PRKAG2: variants seen among roughly 807,000 people sequenced by gnomAD.
PRKAG2 encodes the protein 5'-AMP-activated protein kinase subunit gamma-2.
PRKAG2 carries 26 observed loss-of-function variants against 69.6 expected under a neutral mutation model. The ratio of observed to expected loss-of-function variants is 0.37; its 90% CI spans 0.27 to 0.52. The LOEUF is 0.52. Ranked by LOEUF, PRKAG2 falls within the 20% of genes least tolerant of loss-of-function variation. PRKAG2 has a pLI of 0.90. For synonymous variants in PRKAG2, 293 were observed against 285.0 expected, an observed-to-expected ratio of 1.03 and a Z score of -0.28; for missense variants, 557 against 740.0, an observed-to-expected ratio of 0.75 and a Z score of 2.87.
intron 4 of PRKAG2, among the ~76,000 whole-genome samples, chr7:151,670,912 C>T (rs1831924153): frequency 6.6e-6 from 1 of 152,080 alleles, no homozygotes; most frequent in South Asian, 2.1e-4. Context: ...TTGGCTCACG[C>T]CTATAATCCC....
chr7:151,856,991 T>C (rs1280675296), intron 1 of PRKAG2, among the ~76,000 whole-genome samples: 1 of 152,098 alleles, frequency 6.6e-6, no homozygotes, highest in African/African-American at 2.4e-5. Context: ...AGTCTACTGC[T>C]TTCAGCTTTG....
chr7:151,816,239 T>C (rs1375099261), intron 1 of PRKAG2, among the ~76,000 whole-genome samples: 1 of 152,164 alleles, frequency 6.6e-6, no homozygotes, highest in African/African-American at 2.4e-5. Context: ...ATCACAGGCC[T>C]GGCGTGCTGT....
intron 5 of PRKAG2, among the ~76,000 whole-genome samples, chr7:151,608,267 C>A (rs774457728): frequency 1.1e-4 from 16 of 152,172 alleles, no homozygotes; most frequent in Admixed American, 2.6e-4. Context: ...AGGAAATAAA[C>A]TTCTGTTGTC....
Position 151,814,500 on chromosome 7 carries a change from A to G in PRKAG2, c.115-27959T>C. 1 of 1,230,946 alleles carries G rather than the reference A, an allele frequency of 8.1e-7. No homozygotes were observed. Among genetic ancestry groups the G allele is most frequent in the Non-Finnish European group, 1.0e-6 (1 of 987,936 alleles). The allele number at this position is 1,230,946 out of a possible 1,614,324, so 76.3% of individuals were successfully genotyped here. On this transcript the variant is annotated intron_variant, in intron 1 of 15. Coordinates refer to ENST00000287878, the MANE Select transcript of PRKAG2 (RefSeq NM_016203.4). This position sits in a 1 kb window ranked among gnomAD's most constrained non-coding sequence, Gnocchi z 4.8. ...GTAAGCTGCTGGATGGCAGGATGCG[A>G]GTGACGGGGACGGGCGGCACTCCCA...
chr7:151,801,822 A>G (rs2151839427), intron 1 of PRKAG2, among the ~76,000 whole-genome samples: 1 of 152,316 alleles, frequency 6.6e-6, no homozygotes, highest in South Asian at 2.1e-4. Flanking sequence ...TACAAAAAAC[A>G]GGGGGTTGTT....
At chr7:151,593,870 A>T (rs1328328253) in intron 6 of PRKAG2, among the ~76,000 whole-genome samples, 1 of 152,268 alleles carries the variant, frequency 6.6e-6, no homozygotes, top group Non-Finnish European at 1.5e-5. Flanking sequence ...TACGTTAACA[A>T]GAAACAATTG....
intron 3 of PRKAG2, among the ~76,000 whole-genome samples, chr7:151,682,032 CAA>C (rs1380434911): frequency 6.6e-6 from 1 of 152,116 alleles, no homozygotes; most frequent in East Asian, 1.9e-4. Context: ...AGGCTTCCCC[CAA>C]AGAGGGTTTT....
intron 1 of PRKAG2, among the ~76,000 whole-genome samples, chr7:151,832,020 T>C (rs906132467): frequency 6.6e-6 from 1 of 152,098 alleles, no homozygotes; most frequent in Non-Finnish European, 1.5e-5. Context: ...CAGGCCTGGC[T>C]GCTGCACGAA....
chr7:151,733,924 G>A lies in PRKAG2; in HGVS notation c.466+47228C>T, dbSNP rs540820674. ...TGCCCAGGCTGGTCTCGAACTCCTA[G>A]GCTCAAGCAGTCCTCCCACCTCAAC... On this transcript the variant is annotated intron_variant, in intron 3 of 15. Coordinates refer to ENST00000287878, the MANE Select transcript of PRKAG2 (RefSeq NM_016203.4). 9.8e-4 allele frequency among the ~76,000 whole-genome samples: 149 copies of A among 151,980 alleles called. 1 individual carries two copies. Among genetic ancestry groups the A allele is most frequent in the Non-Finnish European group, 7.8e-4 (53 of 67,996 alleles).
chr7:151,621,466 T>A (rs1585284710), intron 5 of PRKAG2, among the ~76,000 whole-genome samples: 1 of 152,150 alleles, frequency 6.6e-6, no homozygotes, highest in Non-Finnish European at 1.5e-5. Context: ...AAGGATGGCT[T>A]GAGCCTAGGA....
intron 5 of PRKAG2, among the ~76,000 whole-genome samples, chr7:151,627,543 T>C (rs553813558): frequency 1.3e-5 from 2 of 152,212 alleles, no homozygotes; most frequent in South Asian, 4.2e-4. Flanking sequence ...TGAGAATTAC[T>C]TGAGCCTGGG....
intron 1 of PRKAG2, among the ~76,000 whole-genome samples, chr7:151,839,369 C>T (rs949541505): frequency 5.9e-5 from 9 of 152,184 alleles, no homozygotes; most frequent in Admixed American, 5.2e-4. Flanking sequence ...AGCTCAGAAG[C>T]GGTCCGCAGC....
At chr7:151,590,840 G>GGT (rs1429306761) in intron 6 of PRKAG2, among the ~76,000 whole-genome samples, 1 of 152,242 alleles carries the variant, frequency 6.6e-6, no homozygotes, top group African/African-American at 2.4e-5. Flanking sequence ...GGGACTGATT[G>GGT]CTATGAGTGG....
At chr7:151,559,233 G>C in intron 15 of PRKAG2, 3 of 972,730 alleles carry the variant, frequency 3.1e-6, no homozygotes. Flanking sequence ...TGTACTGTTC[G>C]TTTTCAATCC....
chr7:151,831,041 C>T (rs1355887165), intron 1 of PRKAG2, among the ~76,000 whole-genome samples: 2 of 152,066 alleles, frequency 1.3e-5, no homozygotes, highest in African/African-American at 4.8e-5. Context: ...CACCACTTCA[C>T]ACCCACTAGG....
At chr7:151,568,569 T>C (rs1261466968) in intron 11 of PRKAG2, 147 bp downstream of exon 11, 2 of 778,442 alleles carry the variant, frequency 2.6e-6, no homozygotes, top group African/African-American at 3.5e-5. Context: ...ATTCAGAGAG[T>C]AGTAAGTTGA....
intron 3 of PRKAG2, among the ~76,000 whole-genome samples, chr7:151,705,247 GA>G (rs1284999855): frequency 6.6e-6 from 1 of 152,188 alleles, no homozygotes; most frequent in Non-Finnish European, 1.5e-5. Context: ...AGTTGGCTGA[GA>G]ATATCAGGCT....
chr7:151,559,658 T>A, intron 15 of PRKAG2: 7 of 985,234 alleles, frequency 7.1e-6, no homozygotes, highest in Non-Finnish European at 7.2e-6. Context: ...CAGACTTAAT[T>A]GTAAAAACTA....
chr7:151,660,567 G>C (rs1163183971), intron 4 of PRKAG2, among the ~76,000 whole-genome samples: 3 of 152,108 alleles, frequency 2.0e-5, no homozygotes, highest in African/African-American at 7.2e-5. Flanking sequence ...ATTGTATAAA[G>C]CAATACTTAT....
Sources: gnomAD v4.1 joint callset for allele counts (sites outside exome capture counted in the v4.1 genomes callset) on GRCh38, gnomAD v4.1.1 for gene constraint, Gnocchi (gnomAD v3.1) non-coding constraint, MANE v1.5 for transcripts, NCBI Gene and HGNC (gene_info 2026-07-23, HGNC 2026-07-21) for gene names.